MAP4K4: variants seen among roughly 807,000 people sequenced by gnomAD.
MAP4K4 encodes HPK/GCK-like kinase HGK.
A neutral mutation model predicts 189.6 loss-of-function variants in MAP4K4; 38 were observed. That is an observed-to-expected ratio of 0.20 (90% CI 0.15 to 0.26). The LOEUF (loss-of-function observed/expected upper bound fraction) is 0.26, where lower values mean the gene tolerates loss of function less well. MAP4K4 is among the 10% of genes least tolerant of loss of function. MAP4K4 has a pLI of 1.00. For missense variants in MAP4K4, 1,054 were observed against 1,726.9 expected, an observed-to-expected ratio of 0.61 and a Z score of 6.91; for synonymous variants, 610 against 624.3, an observed-to-expected ratio of 0.98 and a Z score of 0.34.
intron 12 of MAP4K4, among the ~76,000 whole-genome samples, chr2:101,845,058 A>G (rs1443947186): frequency 6.6e-6 from 1 of 152,122 alleles, no homozygotes; most frequent in Non-Finnish European, 1.5e-5. Flanking sequence ...ATTGCCTGCA[A>G]CCACCTAAGC....
intron 3 of MAP4K4, among the ~76,000 whole-genome samples, chr2:101,809,499 C>T (rs1042848495): frequency 6.6e-6 from 1 of 152,084 alleles, no homozygotes; most frequent in Non-Finnish European, 1.5e-5. Flanking sequence ...TATTTTAACT[C>T]ATCTGAATAT....
At chr2:101,871,956 T>A (rs980490185) in intron 24 of MAP4K4, among the ~76,000 whole-genome samples, 1 of 152,364 alleles carries the variant, frequency 6.6e-6, no homozygotes, top group East Asian at 1.9e-4. Context: ...GTTTATTTTT[T>A]AAAAATCTAA....
rs548860797 is a variant in MAP4K4 at position 101,865,636 on chromosome 2, A to T, written c.2204+600A>T. On this transcript the variant is annotated intron_variant, in intron 18 of 32. Coordinates refer to ENST00000324219, the Ensembl canonical transcript of MAP4K4. Reference sequence around the variant, plus strand: ...TAGCCACATATAGCTAGTGGCTATGATATTATCCAGCTCAAATATAGAACA... The same window carrying T: ...TAGCCACATATAGCTAGTGGCTATGTTATTATCCAGCTCAAATATAGAACA... 5.9e-5 allele frequency among the ~76,000 whole-genome samples: 9 copies of T among 152,336 alleles called. No individual in the cohort carries two copies. In the South Asian group the frequency reaches 1.9e-3, roughly 32 times the overall value.
intron 22 of MAP4K4, 87 bp downstream of exon 22, chr2:101,869,884 C>G: frequency 6.9e-7 from 1 of 1,439,434 alleles, no homozygotes; most frequent in Non-Finnish European, 9.2e-7. Flanking sequence ...TAGACTATTC[C>G]GTGACCCCAT....
intron 2 of MAP4K4, among the ~76,000 whole-genome samples, chr2:101,755,845 T>G (rs2150053905): frequency 6.6e-6 from 1 of 152,128 alleles, no homozygotes; most frequent in South Asian, 2.1e-4. Flanking sequence ...TAGGTGACGT[T>G]AGTAGGTGCA....
rs1215273180 is a variant in MAP4K4, at chr2:101,882,649, G to A, written c.3484G>A (p.Val1162Ile). 28 of 1,610,432 alleles carry A rather than the reference G, an allele frequency of 1.7e-5. No individual in the cohort carries two copies. The highest frequency in any genetic ancestry group is 9.4e-5 in the African/African-American group (7 of 74,708). ...TGAGAAGAAGCAGGGATGGACAACC[G>A]TAGGGGATTTGGAAGGATGTGTACA... The change falls in exon 28 of 33, where the codon GTA becomes ATA. Residue 1162 changes from valine (V) to isoleucine (I), a missense_variant. By Grantham distance (29) the Val-to-Ile change is conservative. Transcript: ENST00000324219.
chr2:101,787,952 C>T (rs935649952), intron 2 of MAP4K4, among the ~76,000 whole-genome samples: 2 of 151,866 alleles, frequency 1.3e-5, no homozygotes, highest in Admixed American at 6.6e-5. Flanking sequence ...TACAGGTGCA[C>T]GCCACCACAC....
rs531474265 is a variant in MAP4K4 at position 101,835,880 on chromosome 2, C to G, written c.695-20C>G. 2.6e-6 allele frequency: 4 copies of G among 1,558,328 alleles called. No homozygotes were observed. In the Admixed American group the frequency reaches 5.0e-5, roughly 20 times the overall value. ...GAGTGAAATAAGTGCCATACTGACA[C>G]GACCGTCTCCTCTCCCCAGCTCTCT... On this transcript the variant is annotated intron_variant, in intron 8 of 32. Transcript: ENST00000324219.
At chr2:101,794,116 G>C (rs191813151) in intron 3 of MAP4K4, among the ~76,000 whole-genome samples, 2 of 152,210 alleles carry the variant, frequency 1.3e-5, no homozygotes, top group Admixed American at 1.3e-4. Flanking sequence ...TTTTGGGAAG[G>C]GTTTAAGGAA....
chr2:101,742,034 C>G (rs1469024429), intron 2 of MAP4K4, among the ~76,000 whole-genome samples: 1 of 152,044 alleles, frequency 6.6e-6, no homozygotes, highest in African/African-American at 2.4e-5. Context: ...CTTTGTATCT[C>G]TTTGGTTGTG....
chr2:101,765,478 C>T (rs913258179), intron 2 of MAP4K4, among the ~76,000 whole-genome samples: 2 of 152,086 alleles, frequency 1.3e-5, no homozygotes, highest in East Asian at 3.9e-4. Flanking sequence ...GTGCGCGCCA[C>T]CATGTGCAGC....
intron 3 of MAP4K4, among the ~76,000 whole-genome samples, chr2:101,803,822 C>T (rs1384766381): frequency 4.6e-5 from 7 of 152,076 alleles, no homozygotes; most frequent in Non-Finnish European, 1.0e-4. Context: ...AGCATAATAC[C>T]CTGACAGAAG....
intron 29 of MAP4K4, 98 bp downstream of exon 29, chr2:101,885,385 A>G: frequency 1.5e-6 from 1 of 685,012 alleles, no homozygotes; most frequent in Non-Finnish European, 2.5e-6. Flanking sequence ...TAAAATTGCT[A>G]ATATAAAAGC....
rs567923086 is a variant in MAP4K4 at position 101,767,664 on chromosome 2, C to T, written c.124-23056C>T. 3.8e-4 allele frequency among the ~76,000 whole-genome samples: 58 copies of T among 152,310 alleles called. 1 individual carries two copies. The South Asian group carries it at 0.012, about 30-fold the overall frequency. ...TGGGTCTGCCTCTGTTTTTATCTAG[C>T]TCAGGGTCCTCAGCAGGCAGAGTTC... On this transcript the variant is annotated intron_variant, in intron 2 of 32. Coordinates refer to ENST00000324219, the Ensembl canonical transcript of MAP4K4.
intron 26 of MAP4K4, among the ~76,000 whole-genome samples, chr2:101,876,383 G>A (rs1373584560): frequency 1.3e-5 from 2 of 152,154 alleles, no homozygotes; most frequent in Admixed American, 6.5e-5. Context: ...TAGAGAAGTA[G>A]GGTGAGTCAA....
chr2:101,872,935 C>T (rs545905053), intron 24 of MAP4K4, among the ~76,000 whole-genome samples: 5 of 152,256 alleles, frequency 3.3e-5, no homozygotes, highest in Admixed American at 1.3e-4. Context: ...CTCACTAAAC[C>T]GGCAAATTTA....
intron 3 of MAP4K4, among the ~76,000 whole-genome samples, chr2:101,811,096 G>A (rs1220824573): frequency 6.6e-6 from 1 of 152,008 alleles, no homozygotes; most frequent in East Asian, 1.9e-4. Context: ...AAGTAGGGTC[G>A]GGCGAGGTGG....
chr2:101,716,181 C>T (rs77221609), intron 2 of MAP4K4, among the ~76,000 whole-genome samples: 2,251 of 152,310 alleles, frequency 0.015, 63 homozygotes, highest in African/African-American at 0.051. Context: ...CCGTGGCTCA[C>T]GCCTGTAATC....
chr2:101,831,673 T>C (rs894172048), intron 6 of MAP4K4, 48 bp from the exon 7 acceptor site: 5 of 1,555,986 alleles, frequency 3.2e-6, no homozygotes, highest in Non-Finnish European at 4.4e-6. Flanking sequence ...ATATCTGGTT[T>C]GTAGTTGTGT....
Sources: allele counts gnomAD v4.1 joint callset (sites outside exome capture counted in the v4.1 genomes callset), GRCh38; gene constraint gnomAD v4.1.1; transcripts MANE v1.5; gene names NCBI Gene and HGNC (gene_info 2026-07-23, HGNC 2026-07-21).